IRS1: variants seen among roughly 807,000 people sequenced by gnomAD.
IRS1 encodes insulin receptor substrate 1.
IRS1 carries 34 observed loss-of-function variants against 65.6 expected under a neutral mutation model. The ratio of observed to expected loss-of-function variants is 0.52; its 90% CI spans 0.39 to 0.69. IRS1 has a LOEUF of 0.69. IRS1 is among the 30% of genes least tolerant of loss of function. The probability of loss-of-function intolerance (pLI) is 0.00; values close to 1 mark genes in which losing one functional copy is unlikely to be tolerated. For synonymous variants in IRS1, 699 were observed against 683.5 expected, an observed-to-expected ratio of 1.02 and a Z score of -0.35; for missense variants, 1,641 against 1,720.2, an observed-to-expected ratio of 0.95 and a Z score of 0.81.
At chr2:226,790,674 G>C (rs2288586) in intron 1 of IRS1, among the ~76,000 whole-genome samples, 16,233 of 152,176 alleles carry the variant, frequency 0.11, 1,102 homozygotes, top group South Asian at 0.25. Flanking sequence ...ATTCAGTGAT[G>C]CAAGAGGGAT....
At position 226,799,573 on chromosome 2, in the gene IRS1, G is replaced by A. The variant is rs1164701374; in HGVS notation, c.-835C>T. 2 of 1,043,828 alleles carry A rather than the reference G, an allele frequency of 1.9e-6. No homozygotes were observed. The highest frequency in any genetic ancestry group is 4.7e-4 in the Middle Eastern group (1 of 2,130). The allele number at this position is 1,043,828 out of a possible 1,614,324, so 64.7% of individuals were successfully genotyped here. On this transcript the variant is annotated 5_prime_UTR_variant, in exon 1 of 2. Coordinates refer to ENST00000305123, the MANE Select transcript of IRS1 (RefSeq NM_005544.3). The surrounding 1 kb of genome is among the most constrained non-coding windows in gnomAD (Gnocchi z 6.1). ...GGGGAGGAGGGGAGGGGACAAGGGC[G>A]AGAGGGGATGGGGGAGGTTTGGGAA...
chr2:226,790,299 G>C (rs1369334253), intron 1 of IRS1, among the ~76,000 whole-genome samples: 2 of 150,080 alleles, frequency 1.3e-5, no homozygotes, highest in African/African-American at 4.9e-5. Context: ...CATCATTTAA[G>C]ATAGCACAAA....
intron 1 of IRS1, among the ~76,000 whole-genome samples, chr2:226,752,024 C>T (rs761153259): frequency 1.5e-4 from 23 of 152,126 alleles, no homozygotes; most frequent in Admixed American, 3.3e-4. Context: ...CTATCATGGT[C>T]TATAACAACT....
intron 1 of IRS1, among the ~76,000 whole-genome samples, chr2:226,791,509 C>T (rs1003362019): frequency 3.3e-5 from 5 of 152,190 alleles, no homozygotes; most frequent in African/African-American, 7.2e-5. Context: ...GATCCAAATG[C>T]AAGAATACAG....
chr2:226,783,312 T>C (rs1176934022), intron 1 of IRS1, among the ~76,000 whole-genome samples: 1 of 152,228 alleles, frequency 6.6e-6, no homozygotes, highest in Non-Finnish European at 1.5e-5. Context: ...ATAATAGAAG[T>C]ACATTATGTA....
intron 1 of IRS1, among the ~76,000 whole-genome samples, chr2:226,757,215 T>A (rs1392215677): frequency 6.6e-6 from 1 of 152,182 alleles, no homozygotes; most frequent in Non-Finnish European, 1.5e-5. Flanking sequence ...AAGCTTTCAC[T>A]ACTAGAGGAT....
chr2:226,747,785 G>A (rs1300637070), intron 1 of IRS1, among the ~76,000 whole-genome samples: 1 of 152,090 alleles, frequency 6.6e-6, no homozygotes, highest in Non-Finnish European at 1.5e-5. Flanking sequence ...CTAGGGTAAT[G>A]GTTCTCAATT....
At chr2:226,779,438 TTCCACTGAGCATTCAAATCTAC>T (rs1939339188) in intron 1 of IRS1, among the ~76,000 whole-genome samples, 1 of 152,222 alleles carries the variant, frequency 6.6e-6, no homozygotes, top group African/African-American at 2.4e-5. Flanking sequence ...GCCAGACTCA[TTCCACTGAGCATTCAAATCTAC>T]TCAGCCACGC....
chr2:226,793,326 G>A (rs1472644849), intron 1 of IRS1, among the ~76,000 whole-genome samples: 1 of 152,122 alleles, frequency 6.6e-6, no homozygotes, highest in Non-Finnish European at 1.5e-5. Flanking sequence ...TTTTACCAAT[G>A]AGGCACTTTA....
At chr2:226,764,653 G>A (rs900454318) in intron 1 of IRS1, among the ~76,000 whole-genome samples, 1 of 152,322 alleles carries the variant, frequency 6.6e-6, no homozygotes, top group African/African-American at 2.4e-5. Context: ...AAAAAGGAGA[G>A]AGAATTAAAG....
At chr2:226,782,645 G>A (rs981992941) in intron 1 of IRS1, among the ~76,000 whole-genome samples, 9 of 152,152 alleles carry the variant, frequency 5.9e-5, no homozygotes, top group Non-Finnish European at 1.3e-4. Flanking sequence ...CTGGCTCTGC[G>A]TTCCCTTCCA....
intron 1 of IRS1, among the ~76,000 whole-genome samples, chr2:226,741,689 T>C (rs1231916299): frequency 6.6e-6 from 1 of 151,868 alleles, no homozygotes; most frequent in Non-Finnish European, 1.5e-5. Context: ...ACAGTACCAC[T>C]AACTGGAAGC....
chr2:226,756,870 G>A (rs940061348), intron 1 of IRS1, among the ~76,000 whole-genome samples: 17 of 152,074 alleles, frequency 1.1e-4, no homozygotes, highest in Non-Finnish European at 2.4e-4. Context: ...GCTGAGACAG[G>A]AGAATCACGT....
chr2:226,759,995 C>T (rs893855835), intron 1 of IRS1, among the ~76,000 whole-genome samples: 2 of 152,048 alleles, frequency 1.3e-5, no homozygotes, highest in African/African-American at 2.4e-5. Flanking sequence ...GCCAACGTGG[C>T]AAAACCCCAC....
chr2:226,779,132 G>A (rs1939332858), intron 1 of IRS1, among the ~76,000 whole-genome samples: 1 of 152,078 alleles, frequency 6.6e-6, no homozygotes, highest in African/African-American at 2.4e-5. Context: ...AACCATTTGA[G>A]TCTTCAACGA....
chr2:226,736,345 T>C (rs1938325078), intron 1 of IRS1, 95 bp from the exon 2 acceptor site: 1 of 152,202 alleles, frequency 6.6e-6, no homozygotes, highest in Admixed American at 6.5e-5. Context: ...CAGCGTCACA[T>C]AAACTGAAGT....
intron 1 of IRS1, among the ~76,000 whole-genome samples, chr2:226,775,361 GAACA>G (rs947239918): frequency 3.3e-5 from 5 of 152,140 alleles, no homozygotes; most frequent in East Asian, 3.8e-4. Context: ...CAGTGAAATT[GAACA>G]AACAATTAAA....
chr2:226,732,487 T>C lies in IRS1; in HGVS notation c.*3785A>G, dbSNP rs1057305119. 8 of 148,696 alleles carry C rather than the reference T, an allele frequency of 5.4e-5. No homozygotes were observed. Among genetic ancestry groups the C allele is most frequent in the African/African-American group, 2.0e-4 (8 of 40,564 alleles). 9.2% of individuals were successfully genotyped at this position (148,696 alleles called of 1,614,324 possible). A position where few individuals can be genotyped will look rare whatever the true frequency, so the allele number is the denominator to read the frequency against. The stretch of plus-strand genomic sequence containing the variant: ...ATACATCTATATATATATATATATA[T>C]ATATACACACACACACATATGTGTA... On this transcript the variant is annotated 3_prime_UTR_variant, in exon 2 of 2. Coordinates refer to ENST00000305123, the MANE Select transcript of IRS1 (RefSeq NM_005544.3).
chr2:226,737,668 T>C (rs1473205159), intron 1 of IRS1, among the ~76,000 whole-genome samples: 2 of 152,202 alleles, frequency 1.3e-5, no homozygotes, highest in Non-Finnish European at 2.9e-5. Context: ...CATGCCAAGA[T>C]ACATGCATGG....
Sources: gnomAD v4.1 joint callset for allele counts (sites outside exome capture counted in the v4.1 genomes callset) on GRCh38, gnomAD v4.1.1 for gene constraint, Gnocchi (gnomAD v3.1) non-coding constraint, MANE v1.5 for transcripts, NCBI Gene and HGNC (gene_info 2026-07-23, HGNC 2026-07-21) for gene names.